GASK1A: variants seen among roughly 807,000 people sequenced by gnomAD.
GASK1A encodes golgi associated kinase 1A.
Under a neutral mutation model 41.2 loss-of-function variants are expected in GASK1A, and 40 were observed. That is an observed-to-expected ratio of 0.97 (90% CI 0.75 to 1.27). The LOEUF (loss-of-function observed/expected upper bound fraction) is 1.27, where lower values mean the gene tolerates loss of function less well. GASK1A is among the 50% of genes most tolerant of loss of function. GASK1A has a pLI of 0.00. For missense variants in GASK1A, 678 were observed against 745.1 expected (o/e 0.91, Z 1.05); for synonymous variants, 316 against 307.1 (o/e 1.03, Z -0.30).
chr3:43,003,516 A>AGAT (rs2089420513), intron 1 of GASK1A, among the ~76,000 whole-genome samples: 1 of 149,812 alleles, frequency 6.7e-6, no homozygotes, highest in Non-Finnish European at 1.5e-5. Context: ...AAAAAAGAAT[A>AGAT]GATGATAGAC....
chr3:42,988,941 A>G (rs1431645336), intron 1 of GASK1A, among the ~76,000 whole-genome samples: 3 of 152,246 alleles, frequency 2.0e-5, no homozygotes, highest in African/African-American at 7.2e-5. Context: ...GTGACTTCCA[A>G]TGCACTGGGC....
chr3:42,991,149 T>G (rs1418398151), intron 1 of GASK1A, among the ~76,000 whole-genome samples: 1 of 151,724 alleles, frequency 6.6e-6, no homozygotes, highest in African/African-American at 2.4e-5. Flanking sequence ...CTTCTATAAG[T>G]CTCCTTTTCC....
intron 1 of GASK1A, among the ~76,000 whole-genome samples, chr3:43,018,401 A>G (rs2089505356): frequency 6.6e-6 from 1 of 152,148 alleles, no homozygotes; most frequent in African/African-American, 2.4e-5. Flanking sequence ...GATGTTTTCA[A>G]TTTCCTGGCT....
chr3:42,987,796 T>C (rs1229153920), intron 1 of GASK1A, among the ~76,000 whole-genome samples: 1 of 151,742 alleles, frequency 6.6e-6, no homozygotes, highest in Non-Finnish European at 1.5e-5. Context: ...GTCAGGAGTT[T>C]GAGACCAGCC....
At chr3:43,001,594 C>T (rs1218148595) in intron 1 of GASK1A, among the ~76,000 whole-genome samples, 1 of 152,172 alleles carries the variant, frequency 6.6e-6, no homozygotes, top group Non-Finnish European at 1.5e-5. Flanking sequence ...ATTTGATTCC[C>T]TTTCAAAAGA....
rs114917631 is a variant in GASK1A, at chr3:43,057,185, A to T, written c.*799A>T. The T allele has an allele frequency of 2.3e-3, 356 of 152,308 alleles. 1 individual carries two copies. Among genetic ancestry groups the T allele is most frequent in the African/African-American group, 8.1e-3 (335 of 41,568 alleles). 9.4% of individuals were successfully genotyped at this position (152,308 alleles called of 1,614,324 possible). On this transcript the variant is annotated 3_prime_UTR_variant, in exon 5 of 5. Coordinates refer to ENST00000430121, the MANE Select transcript of GASK1A (RefSeq NM_001129908.3). ...GACTGCATGAAATTCCAAGGCAGGG[A>T]TGTGTCATATTTTCTTTAGCTGGTC... is the stretch of plus-strand genomic sequence containing the variant.
intron 1 of GASK1A, among the ~76,000 whole-genome samples, chr3:43,015,316 G>A (rs1279970885): frequency 1.4e-5 from 2 of 147,092 alleles, no homozygotes; most frequent in African/African-American, 5.1e-5. Context: ...ACTGTAAGGG[G>A]CTTGTGAGGT....
intron 1 of GASK1A, among the ~76,000 whole-genome samples, chr3:43,018,699 A>C (rs574422494): frequency 6.6e-6 from 1 of 152,162 alleles, no homozygotes; most frequent in Non-Finnish European, 1.5e-5. Context: ...ACCTAAAAAT[A>C]TTTTTATTTT....
Position 43,032,412 on chromosome 3 carries a change from A to G in GASK1A, c.149A>G (p.Gln50Arg). 6.4e-7 allele frequency: 1 copy of G among 1,551,360 alleles called. No homozygotes were observed. The highest frequency in any genetic ancestry group is 8.7e-7 in the Non-Finnish European group (1 of 1,146,744). ...CCAGACCCTGGTCCCATGGAGCCTCAGGGGGTAACTGGCGCCCCTGCAACC... is the reference window on the plus strand; with the variant it reads ...CCAGACCCTGGTCCCATGGAGCCTCGGGGGGTAACTGGCGCCCCTGCAACC... Reference protein sequence around the residue: ...AGPDPGPMEPQGVTGAPATHI... With the variant: ...AGPDPGPMEPRGVTGAPATHI... The change falls in exon 2 of 5, where the codon CAG (glutamine) becomes CGG (arginine). Residue 50 changes from glutamine to arginine, a missense_variant. By Grantham distance (43) the Gln-to-Arg change is conservative. Transcript: ENST00000430121.
At chr3:43,000,195 G>A (rs191070008) in intron 1 of GASK1A, among the ~76,000 whole-genome samples, 62 of 152,326 alleles carry the variant, frequency 4.1e-4, no homozygotes, top group Middle Eastern at 6.8e-3. Flanking sequence ...GCCCAGTCCT[G>A]TGAGAGCGGT....
At position 43,056,502 on chromosome 3, in the gene GASK1A, C is replaced by T. The variant is rs920192069; in HGVS notation, c.*116C>T. 27 of 906,688 alleles carry T rather than the reference C, an allele frequency of 3.0e-5. No homozygotes were observed. Among genetic ancestry groups the T allele is most frequent in the South Asian group, 4.2e-5 (2 of 48,028 alleles). 56.2% of individuals were successfully genotyped at this position (906,688 alleles called of 1,614,324 possible). ...AAGCCAGAGGGGCACAAGGATGTCA[C>T]GGGATATTTCACCTGCCTGGGATGG... is the stretch of plus-strand genomic sequence containing the variant. On this transcript the variant is annotated 3_prime_UTR_variant, in exon 5 of 5. Transcript: ENST00000430121.
chr3:42,994,550 G>C (rs191903430), intron 1 of GASK1A, among the ~76,000 whole-genome samples: 2 of 152,046 alleles, frequency 1.3e-5, no homozygotes, highest in Non-Finnish European at 1.5e-5. Flanking sequence ...GGAGGCCTCC[G>C]ATGCAGTTTT....
chr3:43,036,219 G>A (rs1371440067), intron 2 of GASK1A, among the ~76,000 whole-genome samples: 1 of 152,198 alleles, frequency 6.6e-6, no homozygotes, highest in Non-Finnish European at 1.5e-5. Flanking sequence ...ACTCGGCTGG[G>A]CTCATGCCAC....
chr3:42,984,483 T>C lies in GASK1A; in HGVS notation c.3+4838T>C, dbSNP rs1295220912. 6.6e-6 allele frequency among the ~76,000 whole-genome samples: 1 copy of C among 152,046 alleles called. No individual in the cohort carries two copies. The highest frequency in any genetic ancestry group is 1.5e-5 in the Non-Finnish European group (1 of 68,010). On this transcript the variant is annotated intron_variant, in intron 1 of 4. Transcript: ENST00000430121. The surrounding 1 kb of genome is among the most constrained non-coding windows in gnomAD (Gnocchi z 4.2). Reference sequence around the variant, plus strand: ...AGCCTGTGGCTCCAGAACTGCCAGCTGAGTGGAAGATGGAAGGTGCTTTAT... The same window carrying C: ...AGCCTGTGGCTCCAGAACTGCCAGCCGAGTGGAAGATGGAAGGTGCTTTAT...
At chr3:43,008,678 C>G (rs1208496479) in intron 1 of GASK1A, among the ~76,000 whole-genome samples, 2 of 152,252 alleles carry the variant, frequency 1.3e-5, no homozygotes, top group African/African-American at 4.8e-5. Flanking sequence ...CTTTCGCCCT[C>G]ACCAGGACTC....
intron 1 of GASK1A, among the ~76,000 whole-genome samples, chr3:42,996,217 G>C (rs1328930024): frequency 1.3e-5 from 2 of 152,182 alleles, no homozygotes; most frequent in Non-Finnish European, 2.9e-5. Flanking sequence ...GATCCCATGG[G>C]CGTTGCTAGG....
At position 43,053,574 on chromosome 3, in the gene GASK1A, C is replaced by A. The variant is rs1039874533; in HGVS notation, c.1344C>A (p.Asp448Glu). Residue 448 changes from aspartate to glutamate, a missense_variant, in exon 3 of 5, where the codon GAC becomes GAA. By Grantham distance (45) the Asp-to-Glu change is conservative. Coordinates refer to ENST00000430121, the MANE Select transcript of GASK1A (RefSeq NM_001129908.3). ...GTGGCTTCGAGCCTGAGCCCTCAGA[C>A]CCCTGTGTGGAAGAGAGGCTCCGAG... ...YCCGFEPEPS[D>E]PCVEERLREK... The A allele has an allele frequency of 4.5e-6, 7 of 1,551,576 alleles. No homozygotes were observed. In the African/African-American group the frequency reaches 8.2e-5, roughly 18 times the overall value.
chr3:42,996,162 G>C (rs771707018), intron 1 of GASK1A, among the ~76,000 whole-genome samples: 1 of 152,170 alleles, frequency 6.6e-6, no homozygotes, highest in Non-Finnish European at 1.5e-5. Flanking sequence ...CCTGCCTATG[G>C]GGCTCTTGCT....
intron 1 of GASK1A, among the ~76,000 whole-genome samples, chr3:43,014,151 CCACAGGAAGGCACAGTGTGAAGT>C (rs1388793898): frequency 1.4e-5 from 2 of 143,532 alleles, no homozygotes; most frequent in East Asian, 4.2e-4. Context: ...GAGTGTTAAA[CCACAGGAAGGCACAGTGTGAAGT>C]CACAGGAAGG....
Sources: gnomAD v4.1 joint callset for allele counts (sites outside exome capture counted in the v4.1 genomes callset) on GRCh38, gnomAD v4.1.1 for gene constraint, Gnocchi (gnomAD v3.1) non-coding constraint, MANE v1.5 for transcripts, NCBI Gene and HGNC (gene_info 2026-07-23, HGNC 2026-07-21) for gene names.